The following SLC7A5 variants were observed in gnomAD, a reference collection of about 807,000 sequenced individuals.
The protein encoded by SLC7A5 is large neutral amino acids transporter small subunit 1.
Under a neutral mutation model 50.2 loss-of-function variants are expected in SLC7A5, and 23 were observed. The observed-to-expected ratio is 0.46, with a 90% CI of 0.33 to 0.65. SLC7A5 has a LOEUF of 0.65. Among genes scored for constraint, SLC7A5 ranks in the 30% least tolerant of loss-of-function variants. The pLI is 0.02. For synonymous variants in SLC7A5, 393 were observed against 330.6 expected (o/e 1.19, Z -2.05); for missense variants, 578 against 684.4 (o/e 0.84, Z 1.73).
At chr16:87,856,365 C>G (rs1317560290) in intron 1 of SLC7A5, among the ~76,000 whole-genome samples, 2 of 152,214 alleles carry the variant, frequency 1.3e-5, no homozygotes, top group African/African-American at 2.4e-5. Flanking sequence ...GGAGACAGCA[C>G]AGAGGAAGTG....
Position 87,832,794 on chromosome 16 carries a change from T to A in SLC7A5, c.*176A>T. ...GGGTCCCTGGCCCTCAGTTGAGGGA[T>A]GAGATTCGTACCAGAGTTTTCACAG... On this transcript the variant is annotated 3_prime_UTR_variant, in exon 10 of 10. Transcript: ENST00000261622. This position sits in a 1 kb window ranked among gnomAD's most constrained non-coding sequence, Gnocchi z 4.6. 1.5e-6 allele frequency: 1 copy of A among 648,380 alleles called. No homozygotes were observed. The highest frequency in any genetic ancestry group is 2.8e-5 in the East Asian group (1 of 35,984). 40.2% of individuals were successfully genotyped at this position (648,380 alleles called of 1,614,324 possible).
At chr16:87,836,716 A>G (rs1237562243) in intron 7 of SLC7A5, 69 bp from the exon 8 acceptor site, 16 of 1,560,918 alleles carry the variant, frequency 1.0e-5, no homozygotes, top group African/African-American at 1.4e-5. Context: ...CGTGGTGGCC[A>G]CCGGGGACTG....
intron 5 of SLC7A5, 102 bp from the exon 6 acceptor site, chr16:87,838,919 G>T: frequency 2.4e-6 from 2 of 830,886 alleles, no homozygotes; most frequent in Non-Finnish European, 4.1e-6. Flanking sequence ...CGCCCTCTGT[G>T]CTCACAAGAG....
At chr16:87,845,969 C>T (rs568485336) in intron 2 of SLC7A5, among the ~76,000 whole-genome samples, 3 of 152,318 alleles carry the variant, frequency 2.0e-5, no homozygotes, top group Non-Finnish European at 2.9e-5. Context: ...GTCATCCTCC[C>T]GAGGCCGACG....
At chr16:87,848,592 G>A (rs1006406545) in intron 2 of SLC7A5, among the ~76,000 whole-genome samples, 6 of 152,168 alleles carry the variant, frequency 3.9e-5, no homozygotes, top group Non-Finnish European at 8.8e-5. Context: ...CCCCCAAGAC[G>A]CGGAGGAGGC....
chr16:87,846,669 AG>A (rs2055158302), intron 2 of SLC7A5, among the ~76,000 whole-genome samples: 1 of 152,174 alleles, frequency 6.6e-6, no homozygotes, highest in South Asian at 2.1e-4. Context: ...CCAGGGCATC[AG>A]GGTCCCTGGC....
Position 87,852,738 on chromosome 16 carries a change from CGT to C in SLC7A5, c.539-891_539-890del, listed in dbSNP as rs957153129. Among the ~76,000 whole-genome samples the C allele has an allele frequency of 2.2e-5, 3 of 134,684 alleles. No individual in the cohort carries two copies. Among genetic ancestry groups the C allele is most frequent in the Non-Finnish European group, 4.7e-5 (3 of 63,288 alleles). 88.4% of individuals were successfully genotyped at this position (134,684 alleles called of 152,430 possible). The stretch of plus-strand genomic sequence containing the variant: ...CACGCTGAGCCACTGTGTGTGTGTG[CGT>C]GTGTGTGTGTGTTTTGGGGGGTTCT... On this transcript the variant is annotated intron_variant, in intron 1 of 9. Transcript: ENST00000261622. This position sits in a 1 kb window ranked among gnomAD's most constrained non-coding sequence, Gnocchi z 4.5.
At chr16:87,849,683 G>A (rs1403128405) in intron 2 of SLC7A5, among the ~76,000 whole-genome samples, 2 of 152,106 alleles carry the variant, frequency 1.3e-5, no homozygotes, top group Admixed American at 1.3e-4. Flanking sequence ...ACTTCTGAGT[G>A]CCCGGGAGCC....
At chr16:87,846,230 G>A (rs2055152542) in intron 2 of SLC7A5, among the ~76,000 whole-genome samples, 2 of 152,240 alleles carry the variant, frequency 1.3e-5, no homozygotes, top group South Asian at 4.1e-4. Context: ...GCATGACCCT[G>A]AGACTGTCTG....
chr16:87,842,869 G>GCCAAGACCCC (rs71391359), intron 2 of SLC7A5, among the ~76,000 whole-genome samples: 1 of 151,824 alleles, frequency 6.6e-6, no homozygotes, highest in Non-Finnish European at 1.5e-5. Context: ...CAGCACCTCG[G>GCCAAGACCCC]CACAGCCCCT....
At chr16:87,837,746 CCA>C in intron 7 of SLC7A5, 97 bp downstream of exon 7, 2 of 971,638 alleles carry the variant, frequency 2.1e-6, no homozygotes, top group South Asian at 2.8e-5. Context: ...GTCACCCAGT[CCA>C]CACCCCAGAC....
rs1175115965 is a variant in SLC7A5, at chr16:87,860,399, C to CACACACAT, written c.538+8485_538+8486insATGTGTGT. ...ACACACACACACACACACACACACACATATATATATAAAGAAAAAGGAAAT... is the reference window on the plus strand; with the variant it reads ...ACACACACACACACACACACACACACACACACATATATATATATAAAGAAAAAGGAAAT... On this transcript the variant is annotated intron_variant, in intron 1 of 9. Coordinates refer to ENST00000261622, the MANE Select transcript of SLC7A5 (RefSeq NM_003486.7). The surrounding 1 kb of genome is among the most constrained non-coding windows in gnomAD (Gnocchi z 4.8). Among the ~76,000 whole-genome samples the CACACACAT allele has an allele frequency of 1.3e-4, 10 of 74,492 alleles. No individual in the cohort carries two copies. The highest frequency in any genetic ancestry group is 4.0e-4 in the Admixed American group (3 of 7,536). 48.9% of individuals were successfully genotyped at this position (74,492 alleles called of 152,430 possible). A position where few individuals can be genotyped will look rare whatever the true frequency, so the allele number is the denominator to read the frequency against.
intron 2 of SLC7A5, among the ~76,000 whole-genome samples, chr16:87,851,023 C>T (rs1263333654): frequency 1.3e-5 from 2 of 152,174 alleles, no homozygotes; most frequent in African/African-American, 4.8e-5. Context: ...AGAGAAAAAG[C>T]AGCTGGGAAA....
At chr16:87,851,915 G>C in intron 1 of SLC7A5, 66 bp from the exon 2 acceptor site, 1 of 1,602,774 alleles carries the variant, frequency 6.2e-7, no homozygotes, top group Non-Finnish European at 8.5e-7. Context: ...GGTAGGCTGG[G>C]AGGTGACGAC....
At position 87,852,996 on chromosome 16, in the gene SLC7A5, G is replaced by A. The variant is rs1460106137; in HGVS notation, c.539-1147C>T. Among the ~76,000 whole-genome samples the A allele has an allele frequency of 6.6e-6, 1 of 152,208 alleles. No homozygotes were observed. Among genetic ancestry groups the A allele is most frequent in the Non-Finnish European group, 1.5e-5 (1 of 68,050 alleles). On this transcript the variant is annotated intron_variant, in intron 1 of 9. Transcript: ENST00000261622. This position sits in a 1 kb window ranked among gnomAD's most constrained non-coding sequence, Gnocchi z 4.5. ...GGGAACGTCTACACCCCAGAAGTGG[G>A]CAAAGGCCCAGCACGGGCCACCCAC...
At chr16:87,843,193 C>T (rs2055103681) in intron 2 of SLC7A5, among the ~76,000 whole-genome samples, 2 of 152,056 alleles carry the variant, frequency 1.3e-5, no homozygotes, top group Non-Finnish European at 2.9e-5. Flanking sequence ...CCAGACACAT[C>T]AATCCTCATA....
intron 2 of SLC7A5, among the ~76,000 whole-genome samples, 165 bp downstream of exon 2, chr16:87,851,559 C>T (rs550991710): frequency 6.0e-4 from 92 of 152,378 alleles, no homozygotes; most frequent in Non-Finnish European, 9.6e-4. Context: ...CCCTCTGGGT[C>T]GGATTTCACT....
intron 1 of SLC7A5, chr16:87,863,526 C>T (rs1317306557): frequency 6.6e-6 from 1 of 152,188 alleles, no homozygotes; most frequent in Non-Finnish European, 1.5e-5. Context: ...CCACACAACC[C>T]TACTGTCATG....
chr16:87,834,517 G>C lies in SLC7A5; in HGVS notation c.1365C>G (p.Pro455=), dbSNP rs779856735. 3.3e-5 allele frequency: 53 copies of C among 1,595,866 alleles called. No homozygotes were observed. Among genetic ancestry groups the C allele is most frequent in the Non-Finnish European group, 4.3e-5 (50 of 1,172,688 alleles). Residue 455 remains proline (P), a synonymous_variant, in exon 9 of 10, where the codon CCC becomes CCG. Coordinates refer to ENST00000261622, the MANE Select transcript of SLC7A5 (RefSeq NM_003486.7). ...FLIAVSFWKT[P]VECGIGFTII... ...TGGTGAAGCCGATGCCACACTCCAC[G>C]GGTGTCTTCCAGAAGGAGACGGCGA...
Sources: allele counts gnomAD v4.1 joint callset (sites outside exome capture counted in the v4.1 genomes callset), GRCh38; gene constraint gnomAD v4.1.1; non-coding constraint Gnocchi (gnomAD v3.1); transcripts MANE v1.5; gene names NCBI Gene and HGNC (gene_info 2026-07-23, HGNC 2026-07-21).